The following ZSWIM6 variants were observed in gnomAD, a reference collection of about 807,000 sequenced individuals.
ZSWIM6 encodes zinc finger SWIM domain-containing protein 6.
A neutral mutation model predicts 113.2 loss-of-function variants in ZSWIM6; 9 were observed. The observed-to-expected ratio is 0.08, with a 90% confidence interval of 0.05 to 0.14. The LOEUF is 0.14. Among genes scored for constraint, ZSWIM6 ranks in the 10% least tolerant of loss-of-function variants. The pLI is 1.00. For synonymous variants in ZSWIM6, 611 were observed against 606.5 expected (o/e 1.01, Z -0.11); for missense variants, 1,162 against 1,552.2 (o/e 0.75, Z 4.22).
At chr5:61,493,117 A>G (rs1006756796) in intron 3 of ZSWIM6, among the ~76,000 whole-genome samples, 1 of 152,114 alleles carries the variant, frequency 6.6e-6, no homozygotes, top group African/African-American at 2.4e-5. Context: ...GTAATGGACA[A>G]AACTTAAAGT....
At chr5:61,440,841 G>C (rs1746814375) in intron 1 of ZSWIM6, among the ~76,000 whole-genome samples, 1 of 152,098 alleles carries the variant, frequency 6.6e-6, no homozygotes, top group African/African-American at 2.4e-5. Context: ...GGGACACAAA[G>C]ATGAATAAAA....
At chr5:61,338,133 C>T (rs759246599) in intron 1 of ZSWIM6, among the ~76,000 whole-genome samples, 1 of 148,178 alleles carries the variant, frequency 6.7e-6, no homozygotes, top group African/African-American at 2.5e-5. Context: ...TTCTTACACT[C>T]TTTTCATATT....
At chr5:61,524,877 T>A (rs1446429245) in intron 5 of ZSWIM6, among the ~76,000 whole-genome samples, 2 of 152,254 alleles carry the variant, frequency 1.3e-5, no homozygotes, top group Non-Finnish European at 2.9e-5. Context: ...GTGCCACAGT[T>A]GAAGGTAAGT....
Position 61,467,886 on chromosome 5 carries a change from C to T in ZSWIM6, c.677-4795C>T, listed in dbSNP as rs566056063. ...AACTGAGACATTCTCAGTGATCCCT[C>T]TCATTTTCCAAGCCACCTCCACGGG... On this transcript the variant is annotated intron_variant, in intron 1 of 13. Coordinates refer to ENST00000252744, the MANE Select transcript of ZSWIM6 (RefSeq NM_020928.2). Among the ~76,000 whole-genome samples, 29 of 152,296 alleles carry T rather than the reference C, an allele frequency of 1.9e-4. No homozygotes were observed. The South Asian group carries it at 5.8e-3, about 30-fold the overall frequency.
intron 4 of ZSWIM6, among the ~76,000 whole-genome samples, chr5:61,511,076 G>C (rs1748775240): frequency 6.6e-6 from 1 of 152,134 alleles, no homozygotes. Flanking sequence ...GGTTAACTTG[G>C]TTATTAAGGC....
At chr5:61,532,435 T>C (rs1749463035) in intron 9 of ZSWIM6, among the ~76,000 whole-genome samples, 1 of 152,176 alleles carries the variant, frequency 6.6e-6, no homozygotes, top group Admixed American at 6.5e-5. Context: ...CAAATTTAGG[T>C]GGTGTGTAAC....
chr5:61,502,617 C>T (rs1748503117), intron 4 of ZSWIM6, among the ~76,000 whole-genome samples: 1 of 152,188 alleles, frequency 6.6e-6, no homozygotes, highest in Non-Finnish European at 1.5e-5. Flanking sequence ...TAGACATGTA[C>T]TAAAACAGGG....
chr5:61,409,803 C>A (rs1746118940), intron 1 of ZSWIM6, among the ~76,000 whole-genome samples: 3 of 151,930 alleles, frequency 2.0e-5, no homozygotes, highest in Admixed American at 6.6e-5. Flanking sequence ...GAGTGCAATA[C>A]CAGTTCATAG....
At chr5:61,367,005 G>A (rs1345486309) in intron 1 of ZSWIM6, among the ~76,000 whole-genome samples, 15 of 151,030 alleles carry the variant, frequency 9.9e-5, no homozygotes, top group African/African-American at 3.6e-4. Flanking sequence ...GCTTGATTAA[G>A]TGATAGCATG....
chr5:61,370,411 A>AT (rs1194105837), intron 1 of ZSWIM6, among the ~76,000 whole-genome samples: 1 of 152,236 alleles, frequency 6.6e-6, no homozygotes, highest in Non-Finnish European at 1.5e-5. Context: ...TATGCATTAA[A>AT]TGCAGGTTTT....
intron 1 of ZSWIM6, 73 bp downstream of exon 1, chr5:61,333,021 C>A: frequency 4.6e-6 from 5 of 1,096,414 alleles, no homozygotes; most frequent in Non-Finnish European, 5.6e-6. Context: ...GCCCGCCTTT[C>A]TCCTGCGGAC....
intron 1 of ZSWIM6, among the ~76,000 whole-genome samples, chr5:61,453,714 CTT>C (rs549126032): frequency 6.9e-6 from 1 of 144,966 alleles, no homozygotes; most frequent in African/African-American, 2.5e-5. Context: ...ATAACCATGC[CTT>C]TTTTTTTTTT....
intron 4 of ZSWIM6, among the ~76,000 whole-genome samples, chr5:61,510,360 A>C (rs1748748148): frequency 6.6e-6 from 1 of 152,014 alleles, no homozygotes; most frequent in East Asian, 1.9e-4. Context: ...GGGATGCAGA[A>C]GTAACCAAAT....
At chr5:61,380,924 C>T (rs934846948) in intron 1 of ZSWIM6, among the ~76,000 whole-genome samples, 22 of 150,240 alleles carry the variant, frequency 1.5e-4, no homozygotes, top group East Asian at 1.9e-4. Flanking sequence ...CATGGCGACA[C>T]GCAGTTTCTA....
At chr5:61,438,934 G>A (rs533174071) in intron 1 of ZSWIM6, among the ~76,000 whole-genome samples, 9 of 152,264 alleles carry the variant, frequency 5.9e-5, no homozygotes, top group Non-Finnish European at 1.2e-4. Context: ...ATGTGTTTTT[G>A]TATTTAAATT....
intron 1 of ZSWIM6, among the ~76,000 whole-genome samples, chr5:61,412,701 G>A (rs1306911280): frequency 6.6e-6 from 1 of 152,212 alleles, no homozygotes; most frequent in Non-Finnish European, 1.5e-5. Context: ...TAAGAACCCT[G>A]CTGAAGAATC....
Position 61,530,765 on chromosome 5 carries a change from G to A in ZSWIM6, c.1984+567G>A, listed in dbSNP as rs574176956. On this transcript the variant is annotated intron_variant, in intron 8 of 13. Transcript: ENST00000252744. Reference sequence around the variant, plus strand: ...GCAGTGGGTGGAGGTAAGGCAGGGAGTAACGATGTCCCTTTGTTGCTTCCA... The same window carrying A: ...GCAGTGGGTGGAGGTAAGGCAGGGAATAACGATGTCCCTTTGTTGCTTCCA... Among the ~76,000 whole-genome samples the A allele has an allele frequency of 2.6e-5, 4 of 152,320 alleles. No homozygotes were observed. In the South Asian group the frequency reaches 6.2e-4, roughly 24 times the overall value.
intron 1 of ZSWIM6, among the ~76,000 whole-genome samples, chr5:61,334,944 C>G (rs1289877250): frequency 3.3e-5 from 5 of 151,300 alleles, no homozygotes; most frequent in Admixed American, 1.3e-4. Flanking sequence ...CGCTTGCAAG[C>G]AATGAGGAAT....
chr5:61,445,190 A>G (rs555151796), intron 1 of ZSWIM6, among the ~76,000 whole-genome samples: 1 of 152,356 alleles, frequency 6.6e-6, no homozygotes, highest in Admixed American at 6.5e-5. Context: ...TCCTGTGCCA[A>G]ACTTATCAAA....
Sources: gnomAD v4.1 joint callset for allele counts (sites outside exome capture counted in the v4.1 genomes callset) on GRCh38, gnomAD v4.1.1 for gene constraint, MANE v1.5 for transcripts, NCBI Gene and HGNC (gene_info 2026-07-23, HGNC 2026-07-21) for gene names.